Variants in ARHGAP31 observed in about 807,000 individuals in gnomAD.
The protein encoded by ARHGAP31 is rho GTPase-activating protein 31.
ARHGAP31 carries 34 observed loss-of-function variants against 113.9 expected under a neutral mutation model. The observed-to-expected ratio is 0.30, with a 90% CI of 0.23 to 0.40. The LOEUF is 0.40. ARHGAP31 is among the 10% of genes least tolerant of loss of function. The pLI is 1.00. For missense variants in ARHGAP31, 1,548 were observed against 1,767.1 expected (o/e 0.88, Z 2.22); for synonymous variants, 650 against 684.8 (o/e 0.95, Z 0.79).
chr3:119,300,653 A>G (rs1414972977), intron 1 of ARHGAP31, among the ~76,000 whole-genome samples: 3 of 151,820 alleles, frequency 2.0e-5, no homozygotes, highest in Non-Finnish European at 4.4e-5. Flanking sequence ...ACATGGTGAA[A>G]CCCCGTCTCT....
chr3:119,334,649 C>G (rs1486443727), intron 1 of ARHGAP31, among the ~76,000 whole-genome samples: 1 of 152,198 alleles, frequency 6.6e-6, no homozygotes, highest in Non-Finnish European at 1.5e-5. Flanking sequence ...CATCCCTGGC[C>G]AGCAGGGATA....
intron 1 of ARHGAP31, among the ~76,000 whole-genome samples, chr3:119,350,362 T>G (rs543235573): frequency 2.0e-5 from 3 of 152,320 alleles, no homozygotes; most frequent in Admixed American, 2.0e-4. Context: ...GAGGAACTGA[T>G]AAGCTTTACC....
intron 1 of ARHGAP31, among the ~76,000 whole-genome samples, chr3:119,317,340 G>T (rs1043539589): frequency 6.6e-6 from 1 of 151,930 alleles, no homozygotes; most frequent in Non-Finnish European, 1.5e-5. Flanking sequence ...CACCATGTCC[G>T]GCTAATTTTT....
chr3:119,378,047 C>T (rs1304321309), intron 3 of ARHGAP31, among the ~76,000 whole-genome samples: 1 of 152,084 alleles, frequency 6.6e-6, no homozygotes. Flanking sequence ...CCTCTGCCAG[C>T]GTCCTCCAAG....
At chr3:119,304,597 A>G (rs1010737529) in intron 1 of ARHGAP31, among the ~76,000 whole-genome samples, 8 of 152,182 alleles carry the variant, frequency 5.3e-5, no homozygotes, top group African/African-American at 1.9e-4. Context: ...CTGCAGTGAC[A>G]GAAGCCTGCC....
intron 3 of ARHGAP31, among the ~76,000 whole-genome samples, chr3:119,377,500 C>T (rs1228472570): frequency 1.3e-5 from 2 of 152,124 alleles, no homozygotes; most frequent in African/African-American, 2.4e-5. Flanking sequence ...TTGGGGACAG[C>T]GGGGACACGC....
intron 9 of ARHGAP31, among the ~76,000 whole-genome samples, chr3:119,399,970 A>G (rs2080585579): frequency 6.6e-6 from 1 of 152,188 alleles, no homozygotes; most frequent in Non-Finnish European, 1.5e-5. Flanking sequence ...ACCAACAAGC[A>G]CCATTACAAA....
chr3:119,384,910 A>G (rs1415431960), intron 6 of ARHGAP31, among the ~76,000 whole-genome samples: 2 of 150,524 alleles, frequency 1.3e-5, no homozygotes, highest in Non-Finnish European at 3.0e-5. Flanking sequence ...GAATCATGCC[A>G]TATATGGTCT....
At chr3:119,298,373 A>G (rs1320266446) in intron 1 of ARHGAP31, among the ~76,000 whole-genome samples, 1 of 152,164 alleles carries the variant, frequency 6.6e-6, no homozygotes, top group Non-Finnish European at 1.5e-5. Flanking sequence ...CGAAAACCAC[A>G]TCATGTTGCT....
intron 8 of ARHGAP31, among the ~76,000 whole-genome samples, chr3:119,397,044 A>G (rs2080556673): frequency 6.6e-6 from 1 of 152,242 alleles, no homozygotes; most frequent in Admixed American, 6.5e-5. Flanking sequence ...CGCAGCTAAG[A>G]GAGGAGGACT....
Position 119,401,826 on chromosome 3 carries a change from A to T in ARHGAP31, c.1074A>T (p.Lys358Asn). The T allele has an allele frequency of 6.2e-7, 1 of 1,614,006 alleles. No homozygotes were observed. Among genetic ancestry groups the T allele is most frequent in the Non-Finnish European group, 8.5e-7 (1 of 1,180,022 alleles). ...ACACTTGTTCCTTTTTACTAGGAAA[A>T]GAAACCAAGGGAAATTTCAATCGAA... ...DSLCSVPVEGKETKGNFNRTV... is the reference protein window; with the variant it reads ...DSLCSVPVEGNETKGNFNRTV... Residue 358 changes from lysine to asparagine, a missense_variant, in exon 10 of 12, where the codon AAA (lysine) becomes AAT (asparagine). Coordinates refer to ENST00000264245, the MANE Select transcript of ARHGAP31 (RefSeq NM_020754.4).
At chr3:119,337,911 C>T (rs373490808) in intron 1 of ARHGAP31, among the ~76,000 whole-genome samples, 122 of 152,268 alleles carry the variant, frequency 8.0e-4, no homozygotes, top group East Asian at 3.9e-3. Context: ...GAAGCCCAGC[C>T]GGCTTCACCT....
chr3:119,391,089 A>G (rs2080500094), intron 7 of ARHGAP31, 106 bp downstream of exon 7: 1 of 1,276,198 alleles, frequency 7.8e-7, no homozygotes, highest in Non-Finnish European at 1.1e-6. Context: ...GGTTGGAGGT[A>G]CCGTCTGGGT....
rs2080616070 is a variant in ARHGAP31, at chr3:119,402,145, G to A, written c.1393G>A (p.Val465Ile). Residue 465 changes from valine to isoleucine, a missense_variant, in exon 10 of 12, where the codon GTC becomes ATC. Transcript: ENST00000264245. ...YTSNDSPSKS[V>I]FTSSLFQMEP... The stretch of plus-strand genomic sequence containing the variant: ...TTCGAACGACAGCCCTAGCAAATCC[G>A]TCTTCACCAGCAGCCTCTTCCAGAT... The A allele has an allele frequency of 6.2e-7, 1 of 1,614,268 alleles. No individual in the cohort carries two copies. The highest frequency in any genetic ancestry group is 2.2e-5 in the East Asian group (1 of 44,890).
chr3:119,313,556 G>C (rs1359206175), intron 1 of ARHGAP31, among the ~76,000 whole-genome samples: 1 of 152,210 alleles, frequency 6.6e-6, no homozygotes, highest in Non-Finnish European at 1.5e-5. Flanking sequence ...TCTAATTATA[G>C]TTTAAACTTG....
chr3:119,344,992 CT>C (rs1302937748), intron 1 of ARHGAP31, among the ~76,000 whole-genome samples: 4 of 133,766 alleles, frequency 3.0e-5, no homozygotes, highest in African/African-American at 8.4e-5. Context: ...TTTCTTTTTT[CT>C]TTTTTTTTGA....
At chr3:119,336,894 T>C (rs1215716540) in intron 1 of ARHGAP31, among the ~76,000 whole-genome samples, 1 of 152,218 alleles carries the variant, frequency 6.6e-6, no homozygotes, top group Non-Finnish European at 1.5e-5. Context: ...GCTGGACACT[T>C]CATATGAACG....
intron 1 of ARHGAP31, among the ~76,000 whole-genome samples, chr3:119,364,835 A>G (rs1404945144): frequency 1.3e-5 from 2 of 152,170 alleles, no homozygotes; most frequent in Admixed American, 6.5e-5. Context: ...GCTCACACCT[A>G]TAATCCCAGT....
intron 1 of ARHGAP31, among the ~76,000 whole-genome samples, chr3:119,331,419 A>G (rs1208397358): frequency 6.6e-6 from 1 of 152,240 alleles, no homozygotes; most frequent in Non-Finnish European, 1.5e-5. Flanking sequence ...AAGCCGTATT[A>G]ATTACTTTTA....
Sources: allele counts gnomAD v4.1 joint callset (sites outside exome capture counted in the v4.1 genomes callset), GRCh38; gene constraint gnomAD v4.1.1; transcripts MANE v1.5; gene names NCBI Gene and HGNC (gene_info 2026-07-23, HGNC 2026-07-21).